Variants in CHST11 observed in about 807,000 individuals in gnomAD.
The protein encoded by CHST11 is carbohydrate sulfotransferase 11.
CHST11 carries 9 observed loss-of-function variants against 30.4 expected under a neutral mutation model. That is an observed-to-expected ratio of 0.30 (90% CI 0.18 to 0.52). The LOEUF (loss-of-function observed/expected upper bound fraction) is 0.52. Ranked by LOEUF, CHST11 falls within the 20% of genes least tolerant of loss-of-function variation. CHST11 has a pLI of 0.97. For missense variants in CHST11, 348 were observed against 460.6 expected (o/e 0.76, Z 2.24); for synonymous variants, 152 against 187.8 (o/e 0.81, Z 1.56).
At chr12:104,606,498 G>A (rs1056922929) in intron 2 of CHST11, among the ~76,000 whole-genome samples, 1 of 152,198 alleles carries the variant, frequency 6.6e-6, no homozygotes, top group Non-Finnish European at 1.5e-5. Flanking sequence ...AAGGTCTCCA[G>A]TAACCCCGTT....
chr12:104,737,853 G>A (rs540627061), intron 2 of CHST11, among the ~76,000 whole-genome samples: 2 of 152,212 alleles, frequency 1.3e-5, no homozygotes, highest in South Asian at 4.1e-4. Flanking sequence ...AAGGGAGGGC[G>A]AGGCTGTCCC....
chr12:104,632,478 CCTA>C lies in CHST11; in HGVS notation c.204+30488_204+30490del, dbSNP rs750612666. ...GCTAGATACAAGAGGAGCCTGGTCTCCTAAGAAGTTCCCACTAGGTGTTAGGAG... is the reference window on the plus strand; with the variant it reads ...GCTAGATACAAGAGGAGCCTGGTCTCAGAAGTTCCCACTAGGTGTTAGGAG... On this transcript the variant is annotated intron_variant, in intron 2 of 2. Transcript: ENST00000303694. Among the ~76,000 whole-genome samples, 5 of 152,296 alleles carry C rather than the reference CCTA, an allele frequency of 3.3e-5. No individual in the cohort carries two copies. The South Asian group carries it at 1.0e-3, about 32-fold the overall frequency.
At chr12:104,549,615 AGGAGGCACCACGT>A (rs1396768717) in intron 1 of CHST11, among the ~76,000 whole-genome samples, 1 of 152,186 alleles carries the variant, frequency 6.6e-6, no homozygotes, top group Non-Finnish European at 1.5e-5. Flanking sequence ...TAATTCTGGT[AGGAGGCACCACGT>A]GATGCACAGG....
At chr12:104,547,379 C>T (rs992933246) in intron 1 of CHST11, among the ~76,000 whole-genome samples, 4 of 152,142 alleles carry the variant, frequency 2.6e-5, no homozygotes, top group African/African-American at 7.2e-5. Flanking sequence ...CAAGATTTTC[C>T]GTTCAGGTTG....
intron 2 of CHST11, among the ~76,000 whole-genome samples, chr12:104,687,054 A>G (rs2039853346): frequency 1.3e-5 from 2 of 152,236 alleles, no homozygotes; most frequent in Admixed American, 1.3e-4. Flanking sequence ...CCCAACTGCC[A>G]AGGCTCATGG....
intron 2 of CHST11, among the ~76,000 whole-genome samples, chr12:104,674,780 AT>A (rs896200710): frequency 1.3e-5 from 2 of 151,892 alleles, no homozygotes; most frequent in African/African-American, 2.4e-5. Flanking sequence ...GCAGTTCTAT[AT>A]CTAGGATATA....
At chr12:104,585,624 G>A (rs1460008838) in intron 1 of CHST11, among the ~76,000 whole-genome samples, 2 of 152,238 alleles carry the variant, frequency 1.3e-5, no homozygotes, top group Non-Finnish European at 2.9e-5. Flanking sequence ...AAGAGATTGA[G>A]TATATTGTCA....
chr12:104,710,754 C>G (rs921674206), intron 2 of CHST11, among the ~76,000 whole-genome samples: 1 of 152,238 alleles, frequency 6.6e-6, no homozygotes, highest in African/African-American at 2.4e-5. Flanking sequence ...AACCTCCCCT[C>G]TTCTATTTAA....
intron 1 of CHST11, among the ~76,000 whole-genome samples, chr12:104,490,879 A>G (rs1227182706): frequency 6.6e-6 from 1 of 152,218 alleles, no homozygotes; most frequent in Non-Finnish European, 1.5e-5. Flanking sequence ...ATAATAAAAT[A>G]TTGACCATCC....
intron 2 of CHST11, among the ~76,000 whole-genome samples, chr12:104,711,917 G>A (rs922987537): frequency 2.6e-5 from 4 of 152,134 alleles, no homozygotes; most frequent in Non-Finnish European, 4.4e-5. Context: ...AGCTGGTGCT[G>A]CCTCTGACCA....
intron 2 of CHST11, among the ~76,000 whole-genome samples, chr12:104,678,232 A>G (rs899846842): frequency 6.6e-6 from 1 of 152,186 alleles, no homozygotes; most frequent in African/African-American, 2.4e-5. Flanking sequence ...TTCTAATAAC[A>G]TATTGTAAAG....
intron 1 of CHST11, among the ~76,000 whole-genome samples, chr12:104,542,108 T>A (rs955413862): frequency 3.3e-5 from 5 of 152,224 alleles, no homozygotes; most frequent in African/African-American, 1.2e-4. Flanking sequence ...GAGTGAGGCA[T>A]GCTTCTAAAT....
chr12:104,551,074 A>G (rs966702475), intron 1 of CHST11, among the ~76,000 whole-genome samples: 1 of 152,148 alleles, frequency 6.6e-6, no homozygotes, highest in African/African-American at 2.4e-5. Context: ...GCTTTGGGCT[A>G]TTTCAAAGGC....
At chr12:104,636,968 T>A (rs550408603) in intron 2 of CHST11, among the ~76,000 whole-genome samples, 2 of 152,022 alleles carry the variant, frequency 1.3e-5, no homozygotes, top group African/African-American at 4.8e-5. Context: ...AAGCACTTAG[T>A]GACTAAACTG....
chr12:104,731,750 C>A (rs1257101627), intron 2 of CHST11, among the ~76,000 whole-genome samples: 3 of 152,256 alleles, frequency 2.0e-5, no homozygotes, highest in Non-Finnish European at 4.4e-5. Context: ...GTAAAGGTTT[C>A]CTATTTTTAG....
intron 1 of CHST11, among the ~76,000 whole-genome samples, chr12:104,571,241 G>A (rs528365472): frequency 1.3e-4 from 19 of 148,662 alleles, no homozygotes; most frequent in Non-Finnish European, 2.2e-4. Flanking sequence ...TCAGCTTACT[G>A]CAACCTCTGC....
chr12:104,514,714 C>T (rs982721408), intron 1 of CHST11, among the ~76,000 whole-genome samples: 2 of 152,030 alleles, frequency 1.3e-5, no homozygotes, highest in Non-Finnish European at 2.9e-5. Context: ...GAGGAAGGTA[C>T]CAGGCTCTTC....
At chr12:104,588,683 TCTGTA>T (rs2038829025) in intron 1 of CHST11, among the ~76,000 whole-genome samples, 1 of 152,236 alleles carries the variant, frequency 6.6e-6, no homozygotes, top group Non-Finnish European at 1.5e-5. Context: ...GTTCTAAAGT[TCTGTA>T]CATGACAGCC....
At chr12:104,501,228 G>A (rs945748801) in intron 1 of CHST11, among the ~76,000 whole-genome samples, 13 of 152,194 alleles carry the variant, frequency 8.5e-5, no homozygotes, top group Middle Eastern at 3.4e-3. Flanking sequence ...TCCACAGCTG[G>A]GCCACAAGCC....
Sources: allele counts gnomAD v4.1 joint callset (sites outside exome capture counted in the v4.1 genomes callset), GRCh38; gene constraint gnomAD v4.1.1; transcripts MANE v1.5; gene names NCBI Gene and HGNC (gene_info 2026-07-23, HGNC 2026-07-21).